SLAIN1: variants seen among roughly 807,000 people sequenced by gnomAD.
SLAIN1 encodes the protein SLAIN family member 1.
SLAIN1 carries 17 observed loss-of-function variants against 55.4 expected under a neutral mutation model. That is an observed-to-expected ratio of 0.31 (90% CI 0.21 to 0.46). The LOEUF (loss-of-function observed/expected upper bound fraction) is 0.46. Among genes scored for constraint, SLAIN1 ranks in the 20% least tolerant of loss-of-function variants. The pLI is 1.00. For synonymous variants in SLAIN1, 348 were observed against 337.4 expected (o/e 1.03, Z -0.35); for missense variants, 682 against 785.1 (o/e 0.87, Z 1.57).
At chr13:77,738,447 T>C (rs1873248356) in intron 2 of SLAIN1, among the ~76,000 whole-genome samples, 1 of 152,020 alleles carries the variant, frequency 6.6e-6, no homozygotes, top group African/African-American at 2.4e-5. Context: ...AGGCTGTGAA[T>C]TTTAGTGAAA....
rs1186891116 is a variant in SLAIN1, at chr13:77,753,284, C to T, written c.1340C>T (p.Thr447Ile). ...AGTAGCAACATTAGTTCTCCGGTCA[C>T]CGTGCGAAATAGTCAGAGTTTTGAC... ...AISSNISSPVTVRNSQSFDSS... is the reference protein window; with the variant it reads ...AISSNISSPVIVRNSQSFDSS... Residue 447 changes from threonine (T) to isoleucine (I), a missense_variant, in exon 5 of 7, where the codon ACC becomes ATC. Thr to Ile is a moderately conservative substitution (Grantham distance 89). Around this residue, in one of 3 missense-constraint regions of SLAIN1, gnomAD observed 244 missense variants for 295.2 expected, o/e 0.83. Transcript: ENST00000418532. 2 of 1,613,022 alleles carry T rather than the reference C, an allele frequency of 1.2e-6. No homozygotes were observed. Among genetic ancestry groups the T allele is most frequent in the East Asian group, 2.2e-5 (1 of 44,828 alleles).
At chr13:77,716,538 T>C (rs1053775861) in intron 1 of SLAIN1, among the ~76,000 whole-genome samples, 2 of 152,152 alleles carry the variant, frequency 1.3e-5, no homozygotes, top group Non-Finnish European at 2.9e-5. Context: ...ATGTCCTCTT[T>C]AATTCTCAGA....
chr13:77,714,045 A>T (rs1413181884), intron 1 of SLAIN1, among the ~76,000 whole-genome samples: 1 of 152,138 alleles, frequency 6.6e-6, no homozygotes, highest in Non-Finnish European at 1.5e-5. Context: ...TAGGGGAGGG[A>T]TAGCATTAGG....
intron 4 of SLAIN1, among the ~76,000 whole-genome samples, chr13:77,751,339 A>C (rs1178581229): frequency 6.6e-6 from 1 of 152,150 alleles, no homozygotes; most frequent in Non-Finnish European, 1.5e-5. Flanking sequence ...TTTAATTTTA[A>C]GTTTAATTAA....
At chr13:77,711,784 TC>T (rs768959026) in intron 1 of SLAIN1, among the ~76,000 whole-genome samples, 6 of 152,112 alleles carry the variant, frequency 3.9e-5, no homozygotes, top group Non-Finnish European at 8.8e-5. Context: ...AAAGAAAATT[TC>T]AGCCCAATAT....
At chr13:77,734,818 G>A (rs1250907855) in intron 2 of SLAIN1, among the ~76,000 whole-genome samples, 2 of 152,022 alleles carry the variant, frequency 1.3e-5, no homozygotes, top group Admixed American at 6.6e-5. Context: ...TCAGGAGTTT[G>A]AGACCAGCCT....
At chr13:77,726,353 G>C (rs2091307982) in intron 2 of SLAIN1, among the ~76,000 whole-genome samples, 1 of 152,122 alleles carries the variant, frequency 6.6e-6, no homozygotes, top group Non-Finnish European at 1.5e-5. Context: ...AGTGCATATA[G>C]TATATTCCTA....
At chr13:77,708,788 A>T (rs1356988222) in intron 1 of SLAIN1, among the ~76,000 whole-genome samples, 2 of 152,168 alleles carry the variant, frequency 1.3e-5, no homozygotes, top group Non-Finnish European at 2.9e-5. Flanking sequence ...AAGGTAGATA[A>T]ATCCACGAAG....
chr13:77,725,571 C>T (rs1468963399), intron 2 of SLAIN1, among the ~76,000 whole-genome samples: 2 of 152,048 alleles, frequency 1.3e-5, no homozygotes, highest in African/African-American at 2.4e-5. Flanking sequence ...CAAATATTTT[C>T]GAAACTTGGT....
chr13:77,735,031 A>T (rs1873051215), intron 2 of SLAIN1, among the ~76,000 whole-genome samples: 1 of 152,034 alleles, frequency 6.6e-6, no homozygotes, highest in Admixed American at 6.6e-5. Flanking sequence ...AAATAAAATA[A>T]AAATAAATAA....
intron 2 of SLAIN1, among the ~76,000 whole-genome samples, chr13:77,736,501 A>C (rs1873126546): frequency 6.6e-6 from 1 of 151,990 alleles, no homozygotes; most frequent in Non-Finnish European, 1.5e-5. Flanking sequence ...TCCTCCCTTG[A>C]GCCTTATACT....
chr13:77,752,083 A>G (rs1401385380), intron 4 of SLAIN1, among the ~76,000 whole-genome samples: 1 of 152,088 alleles, frequency 6.6e-6, no homozygotes, highest in Non-Finnish European at 1.5e-5. Context: ...AGGCAAAAAA[A>G]TTGAAGCATT....
intron 5 of SLAIN1, among the ~76,000 whole-genome samples, chr13:77,754,513 C>G (rs553575167): frequency 6.6e-6 from 1 of 152,272 alleles, no homozygotes; most frequent in Admixed American, 6.5e-5. Context: ...TCTGGTTACT[C>G]CCAGAGCTTT....
chr13:77,752,430 G>A (rs1311096978), intron 4 of SLAIN1, among the ~76,000 whole-genome samples: 2 of 151,748 alleles, frequency 1.3e-5, no homozygotes, highest in Non-Finnish European at 2.9e-5. Context: ...TAACTGCTTA[G>A]CTAGTCCCTA....
intron 1 of SLAIN1, among the ~76,000 whole-genome samples, chr13:77,706,010 T>C (rs1391669025): frequency 6.6e-6 from 1 of 152,082 alleles, no homozygotes; most frequent in Admixed American, 6.6e-5. Context: ...AATAATATAA[T>C]AACATGTTAG....
intron 2 of SLAIN1, among the ~76,000 whole-genome samples, chr13:77,723,257 A>T (rs1251042808): frequency 6.6e-6 from 1 of 152,068 alleles, no homozygotes; most frequent in Non-Finnish European, 1.5e-5. Flanking sequence ...CTCTACTTGG[A>T]ACTAGTCATC....
intron 1 of SLAIN1, among the ~76,000 whole-genome samples, chr13:77,718,318 A>G (rs913781136): frequency 1.3e-5 from 2 of 152,134 alleles, no homozygotes; most frequent in African/African-American, 4.8e-5. Flanking sequence ...CTATAAATCA[A>G]TTTTAAAGGA....
At chr13:77,759,983 T>C (rs375861774) in intron 5 of SLAIN1, among the ~76,000 whole-genome samples, 1 of 152,178 alleles carries the variant, frequency 6.6e-6, no homozygotes, top group East Asian at 1.9e-4. Context: ...CCCTTATATT[T>C]ATTTCAAAAA....
Position 77,698,990 on chromosome 13 carries a change from A to G in SLAIN1, c.626+451A>G, listed in dbSNP as rs2154409077. On this transcript the variant is annotated intron_variant, in intron 1 of 6. Transcript: ENST00000418532. This position sits in a 1 kb window ranked among gnomAD's most constrained non-coding sequence, Gnocchi z 4.1. ...TCGTTTTAAACGAACGCTGGACAGG[A>G]TTTGCGTGCTCTTCCTCCTCGGGTG... The G allele has an allele frequency of 2.0e-6, 3 of 1,534,766 alleles. 1 individual carries two copies. The highest frequency in any genetic ancestry group is 2.4e-5 in the South Asian group (2 of 83,978).
Sources: gnomAD v4.1 joint callset for allele counts (sites outside exome capture counted in the v4.1 genomes callset) on GRCh38, gnomAD v4.1.1 for gene constraint, gnomAD v4.1.1 regional missense constraint, Gnocchi (gnomAD v3.1) non-coding constraint, MANE v1.5 for transcripts, NCBI Gene and HGNC (gene_info 2026-07-23, HGNC 2026-07-21) for gene names.